Variants in GAK observed in about 807,000 individuals in gnomAD.
GAK encodes cyclin G associated kinase.
Under a neutral mutation model 143.9 loss-of-function variants are expected in GAK, and 79 were observed. The ratio of observed to expected loss-of-function variants is 0.55; its 90% CI spans 0.46 to 0.66. GAK has a LOEUF of 0.66. GAK is among the 30% of genes least tolerant of loss of function. The pLI is 0.00. For synonymous variants in GAK, 881 were observed against 765.5 expected (o/e 1.15, Z -2.49); for missense variants, 1,693 against 1,779.7 (o/e 0.95, Z 0.88).
intron 1 of GAK, among the ~76,000 whole-genome samples, chr4:914,527 T>C (rs1577297398): frequency 3.5e-5 from 2 of 57,470 alleles, no homozygotes; most frequent in East Asian, 6.6e-4. Flanking sequence ...AGCCCCAGCG[T>C]GCACGGCCAC....
At chr4:858,501 C>T (rs1250940628) in intron 24 of GAK, among the ~76,000 whole-genome samples, 1 of 152,236 alleles carries the variant, frequency 6.6e-6, no homozygotes. Flanking sequence ...ACGGCCCTCG[C>T]AACCCCACCG....
At chr4:854,163 GA>G (rs1444539320) in intron 24 of GAK, among the ~76,000 whole-genome samples, 8 of 150,542 alleles carry the variant, frequency 5.3e-5, no homozygotes, top group African/African-American at 2.0e-4. Context: ...GTTTCTCGCA[GA>G]GGGGGATTTG....
chr4:916,173 G>A (rs1269048840), intron 1 of GAK, among the ~76,000 whole-genome samples: 4 of 152,216 alleles, frequency 2.6e-5, no homozygotes, highest in African/African-American at 9.6e-5. Flanking sequence ...GTCAGAGGAT[G>A]AAAAGATAAA....
Position 867,203 on chromosome 4 carries a change from C to T in GAK, c.2625G>A (p.Val875=), listed in dbSNP as rs1751355256. 3 of 1,611,356 alleles carry T rather than the reference C, an allele frequency of 1.9e-6. No individual in the cohort carries two copies. The highest frequency in any genetic ancestry group is 1.7e-5 in the Admixed American group (1 of 59,804). The change falls in exon 21 of 28, where the codon GTG becomes GTA. Residue 875 remains valine, a synonymous_variant. Transcript: ENST00000314167. ...GGAGGTCGACCCCGTCTTCCTGTGG[C>T]ACAGGCTCTGGCAGCACAGCCGGTG... ...VETPAVLPEP[V]PQEDGVDLLG...
At position 851,966 on chromosome 4, in the gene GAK, C is replaced by G; in HGVS notation, c.3292G>C (p.Ala1098Pro). ...ATGAAGCCCCCAGGAGGGAATCCAG[C>G]TGGTGAGCCTGTGGAGATGGAGATC... ...DLSSGLQGSP[A>P]GFPPGGFIPK... The change falls in exon 25 of 28, where the codon GCT (alanine) becomes CCT (proline). Residue 1098 changes from alanine (A) to proline (P), a missense_variant. Transcript: ENST00000314167. 1 of 1,613,414 alleles carries G rather than the reference C, an allele frequency of 6.2e-7. No individual in the cohort carries two copies. Among genetic ancestry groups the G allele is most frequent in the Non-Finnish European group, 8.5e-7 (1 of 1,179,670 alleles).
intron 13 of GAK, 50 bp downstream of exon 13, chr4:883,265 G>A (rs1210461608): frequency 6.3e-7 from 1 of 1,598,876 alleles, no homozygotes; most frequent in Non-Finnish European, 8.5e-7. Context: ...CTGCACTGGA[G>A]CGGAAGGAAG....
In GAK at chr4:911,698, G is replaced by A. The variant is rs371874998; in HGVS notation, c.357C>T (p.Phe119=). ...KEESDTGQAE[F]LLLTELCKGQ... is the part of the protein sequence containing the mutation. The stretch of plus-strand genomic sequence containing the variant: ...CTTTACAGAGCTCTGTGAGCAAGAG[G>A]AACTCAGCCTGCCCCGTGTCTGACT... Residue 119 remains phenylalanine (F), a synonymous_variant, in exon 4 of 28, where the codon TTC becomes TTT. Coordinates refer to ENST00000314167, the MANE Select transcript of GAK (RefSeq NM_005255.4). 77 of 1,613,626 alleles carry A rather than the reference G, an allele frequency of 4.8e-5. No homozygotes were observed. The Middle Eastern group carries it at 2.0e-3, about 41-fold the overall frequency.
At chr4:903,961 T>C (rs1372924365) in intron 5 of GAK, among the ~76,000 whole-genome samples, 4 of 152,254 alleles carry the variant, frequency 2.6e-5, no homozygotes, top group Non-Finnish European at 5.9e-5. Flanking sequence ...GCTAATTTTC[T>C]TCAGGGCTGG....
chr4:865,095 C>A (rs1161795455), intron 23 of GAK, 27 bp downstream of exon 23: 1 of 1,599,518 alleles, frequency 6.3e-7, no homozygotes. Flanking sequence ...GTCTGGGAGC[C>A]CTGTCCTTGG....
chr4:928,225 T>G (rs2152983822), intron 1 of GAK, among the ~76,000 whole-genome samples: 1 of 152,246 alleles, frequency 6.6e-6, no homozygotes, highest in Admixed American at 6.5e-5. Context: ...GCCCAGCTAG[T>G]TTTTGTATTT....
At chr4:853,173 C>A (rs989216920) in intron 24 of GAK, 5 of 152,258 alleles carry the variant, frequency 3.3e-5, no homozygotes, top group Admixed American at 6.5e-5. Context: ...CAGCTGCAGC[C>A]TCTGGACTGG....
chr4:903,091 G>A (rs1209165193), intron 5 of GAK, among the ~76,000 whole-genome samples: 1 of 150,532 alleles, frequency 6.6e-6, no homozygotes, highest in African/African-American at 2.5e-5. Flanking sequence ...TGGAAACCGC[G>A]CAGTGCCGGC....
At chr4:857,765 C>T (rs1424649544) in intron 24 of GAK, among the ~76,000 whole-genome samples, 1 of 152,146 alleles carries the variant, frequency 6.6e-6, no homozygotes, top group African/African-American at 2.4e-5. Context: ...CGTGGCTCCT[C>T]ATTCTTTCTT....
chr4:905,490 G>A (rs545361563), intron 4 of GAK, among the ~76,000 whole-genome samples: 4 of 149,080 alleles, frequency 2.7e-5, no homozygotes, highest in East Asian at 4.0e-4. Context: ...TACGGACTCC[G>A]CCACGCCCCA....
At chr4:920,500 G>A (rs545969002) in intron 1 of GAK, among the ~76,000 whole-genome samples, 5 of 150,356 alleles carry the variant, frequency 3.3e-5, no homozygotes, top group East Asian at 2.0e-4. Flanking sequence ...AGAATATTGC[G>A]ACATTATTCT....
intron 24 of GAK, among the ~76,000 whole-genome samples, chr4:855,968 C>CA (rs978815857): frequency 2.0e-5 from 3 of 151,820 alleles, no homozygotes; most frequent in South Asian, 2.1e-4. Context: ...AACAAACAAA[C>CA]AAAAAAAAGA....
At chr4:868,498 C>G in intron 20 of GAK, 41 bp downstream of exon 20, 1 of 1,590,882 alleles carries the variant, frequency 6.3e-7, no homozygotes, top group Non-Finnish European at 8.5e-7. Flanking sequence ...AGACCAGGGG[C>G]CTGCCCTCTG....
chr4:865,271 A>G, intron 22 of GAK, 27 bp from the exon 23 acceptor site: 1 of 1,608,152 alleles, frequency 6.2e-7, no homozygotes, highest in Non-Finnish European at 8.5e-7. Flanking sequence ...AGAAGAGAGC[A>G]CAGTTTGGTG....
chr4:901,198 G>A (rs992821412), intron 5 of GAK, among the ~76,000 whole-genome samples: 2 of 152,224 alleles, frequency 1.3e-5, no homozygotes, highest in African/African-American at 4.8e-5. Context: ...AGGCTGAGGC[G>A]GAATGAGCCT....
Sources: allele counts gnomAD v4.1 joint callset (sites outside exome capture counted in the v4.1 genomes callset), GRCh38; gene constraint gnomAD v4.1.1; transcripts MANE v1.5; gene names NCBI Gene and HGNC (gene_info 2026-07-23, HGNC 2026-07-21).